The following ADGRL2 variants were observed in gnomAD, a reference collection of about 807,000 sequenced individuals.
The protein encoded by ADGRL2 is adhesion G protein-coupled receptor L2.
In ADGRL2, 44 loss-of-function variants were observed where a neutral mutation model predicts 157.4. That is an observed-to-expected ratio of 0.28 (90% confidence interval 0.22 to 0.36). The LOEUF is 0.36. Among genes scored for constraint, ADGRL2 ranks in the 10% least tolerant of loss-of-function variants. The probability of loss-of-function intolerance (pLI) is 1.00; values close to 1 mark genes in which losing one functional copy is unlikely to be tolerated. For missense variants in ADGRL2, 1,510 were observed against 1,768.9 expected, an observed-to-expected ratio of 0.85 and a Z score of 2.63; for synonymous variants, 585 against 624.7, an observed-to-expected ratio of 0.94 and a Z score of 0.95.
At chr1:81,693,680 T>A (rs1243928540) in intron 3 of ADGRL2, among the ~76,000 whole-genome samples, 1 of 152,208 alleles carries the variant, frequency 6.6e-6, no homozygotes, top group African/African-American at 2.4e-5. Flanking sequence ...TTGTCAAAAA[T>A]GTTCCTTGCT....
intron 3 of ADGRL2, among the ~76,000 whole-genome samples, chr1:81,687,200 C>A (rs2083246750): frequency 6.6e-6 from 1 of 152,114 alleles, no homozygotes; most frequent in African/African-American, 2.4e-5. Flanking sequence ...GACTTTCTGT[C>A]TTGATGAACT....
chr1:81,657,215 T>C (rs879505188), intron 3 of ADGRL2, among the ~76,000 whole-genome samples: 8 of 151,786 alleles, frequency 5.3e-5, no homozygotes, highest in Non-Finnish European at 1.0e-4. Context: ...CTTTGGAGAG[T>C]CAATTAAGTC....
At chr1:81,728,409 C>A (rs941129819) in intron 1 of ADGRL2, among the ~76,000 whole-genome samples, 1 of 152,072 alleles carries the variant, frequency 6.6e-6, no homozygotes, top group Non-Finnish European at 1.5e-5. Flanking sequence ...ATGTAAAAAG[C>A]CTTTAAATGC....
chr1:81,658,114 G>A (rs2082574205), intron 3 of ADGRL2, among the ~76,000 whole-genome samples: 1 of 152,072 alleles, frequency 6.6e-6, no homozygotes, highest in African/African-American at 2.4e-5. Flanking sequence ...TTTGCGGGGA[G>A]GGATGGAGTC....
chr1:81,718,168 C>T (rs981571361), intron 1 of ADGRL2, among the ~76,000 whole-genome samples: 4 of 152,080 alleles, frequency 2.6e-5, no homozygotes, highest in East Asian at 3.9e-4. Flanking sequence ...CACAGGCACG[C>T]GCCACCATGC....
At chr1:81,630,270 C>T (rs1283527322) in intron 3 of ADGRL2, among the ~76,000 whole-genome samples, 2 of 152,062 alleles carry the variant, frequency 1.3e-5, no homozygotes, top group Admixed American at 6.6e-5. Context: ...CCAGCCTTCT[C>T]CAGGAAAGGC....
intron 3 of ADGRL2, among the ~76,000 whole-genome samples, chr1:81,652,658 AT>A (rs1418754535): frequency 6.6e-6 from 1 of 152,140 alleles, no homozygotes; most frequent in Non-Finnish European, 1.5e-5. Flanking sequence ...CTTTTTAAAA[AT>A]GTCAACTTTT....
chr1:81,596,264 C>A, intron 3 of ADGRL2: 1 of 575,436 alleles, frequency 1.7e-6, no homozygotes, highest in Non-Finnish European at 3.3e-6. Flanking sequence ...GGATTCTCAT[C>A]CCGAAATGAT....
intron 1 of ADGRL2, among the ~76,000 whole-genome samples, chr1:81,820,880 A>G (rs542409992): frequency 6.6e-5 from 10 of 152,282 alleles, no homozygotes; most frequent in African/African-American, 2.4e-4. Context: ...GCAAGTAGGA[A>G]TCTTTTGTAG....
chr1:81,983,093 T>C (rs1362627972), intron 19 of ADGRL2, among the ~76,000 whole-genome samples: 8 of 152,000 alleles, frequency 5.3e-5, no homozygotes, highest in Non-Finnish European at 1.0e-4. Context: ...TGTGCTGTTG[T>C]GCCAAACATC....
chr1:81,913,580 T>C (rs2094783809), intron 3 of ADGRL2, among the ~76,000 whole-genome samples: 1 of 152,020 alleles, frequency 6.6e-6, no homozygotes, highest in Non-Finnish European at 1.5e-5. Context: ...TTTAAGGGAG[T>C]TATTGAGATT....
intron 1 of ADGRL2, among the ~76,000 whole-genome samples, chr1:81,724,972 G>A (rs568073502): frequency 2.2e-4 from 34 of 152,204 alleles, no homozygotes; most frequent in African/African-American, 7.0e-4. Context: ...TCGGGAGGCC[G>A]AGGCAGGTGG....
At chr1:81,480,187 G>A (rs567218475) in intron 2 of ADGRL2, among the ~76,000 whole-genome samples, 8 of 152,190 alleles carry the variant, frequency 5.3e-5, no homozygotes, top group African/African-American at 1.9e-4. Context: ...TTAGGCATTC[G>A]TTTCCAGCAT....
At chr1:81,309,795 C>T (rs1052971801) in intron 1 of ADGRL2, among the ~76,000 whole-genome samples, 3 of 152,230 alleles carry the variant, frequency 2.0e-5, no homozygotes, top group Middle Eastern at 3.4e-3. Flanking sequence ...AGCCACCACT[C>T]CCCACCTTGT....
At chr1:81,511,670 A>C (rs2079080901) in intron 2 of ADGRL2, among the ~76,000 whole-genome samples, 1 of 152,054 alleles carries the variant, frequency 6.6e-6, no homozygotes, top group South Asian at 2.1e-4. Context: ...TCTACTTTCC[A>C]CATGTTTCTT....
chr1:81,868,106 T>C lies in ADGRL2; in HGVS notation c.73+31049T>C, dbSNP rs187347408. Among the ~76,000 whole-genome samples, 15 of 149,804 alleles carry C rather than the reference T, an allele frequency of 1.0e-4. No homozygotes were observed. The Admixed American group carries it at 1.0e-3, about 10-fold the overall frequency. On this transcript the variant is annotated intron_variant, in intron 2 of 23. Transcript: ENST00000686636. ...GTGTGTGTGTGTGTGATAAAAATTA[T>C]TTTCCTTTTACATTGAAGAGGTTTT...
At chr1:81,477,044 C>G (rs1456826769) in intron 2 of ADGRL2, among the ~76,000 whole-genome samples, 1 of 152,190 alleles carries the variant, frequency 6.6e-6, no homozygotes, top group African/African-American at 2.4e-5. Flanking sequence ...AACTTATCCT[C>G]TCTGTTCACA....
chr1:81,964,441 TC>T (rs1471161144), intron 11 of ADGRL2, among the ~76,000 whole-genome samples: 1 of 152,106 alleles, frequency 6.6e-6, no homozygotes, highest in Non-Finnish European at 1.5e-5. Context: ...GCTTAATCTT[TC>T]CAAACAAGTA....
intron 2 of ADGRL2, among the ~76,000 whole-genome samples, chr1:81,470,610 A>G (rs2078151368): frequency 6.6e-6 from 1 of 152,184 alleles, no homozygotes; most frequent in Non-Finnish European, 1.5e-5. Context: ...ACACAAAAAC[A>G]TTTTTTAAAG....
Sources: allele counts gnomAD v4.1 joint callset (sites outside exome capture counted in the v4.1 genomes callset), GRCh38; gene constraint gnomAD v4.1.1; transcripts MANE v1.5; gene names NCBI Gene and HGNC (gene_info 2026-07-23, HGNC 2026-07-21).